The following RBBP8NL variants were observed in gnomAD, a reference collection of about 807,000 sequenced individuals.
RBBP8NL encodes the protein RBBP8 N-terminal-like protein.
A neutral mutation model predicts 62.2 loss-of-function variants in RBBP8NL; 59 were observed. The ratio of observed to expected loss-of-function variants is 0.95; its 90% CI spans 0.77 to 1.18. The LOEUF is 1.18. Among genes scored for constraint, RBBP8NL ranks in the 50% most tolerant of loss-of-function variants. The probability of loss-of-function intolerance (pLI) is 0.00; values close to 1 mark genes in which losing one functional copy is unlikely to be tolerated. For missense variants in RBBP8NL, 896 were observed against 899.5 expected (o/e 1.00, Z 0.05); for synonymous variants, 412 against 394.1 (o/e 1.05, Z -0.54).
Position 62,415,245 on chromosome 20 carries a change from C to A in RBBP8NL, c.670G>T (p.Val224Leu). 6.4e-7 allele frequency: 1 copy of A among 1,561,168 alleles called. No homozygotes were observed. Among genetic ancestry groups the A allele is most frequent in the Non-Finnish European group, 8.6e-7 (1 of 1,158,062 alleles). ...ISNQLHGTIA[V>L]VRPGSQACPA... ...CAAGCCTGGGACCCAGGCCGCACCA[C>A]GGCAATGGTCCCGTGCAGCTGGTTG... The change falls in exon 9 of 14, where the codon GTG becomes TTG. Residue 224 changes from valine to leucine, a missense_variant. Val to Leu is a conservative substitution (Grantham distance 32, BLOSUM62 1). Transcript: ENST00000252998.
At chr20:62,416,317 A>G (rs1988565616) in intron 5 of RBBP8NL, 81 bp from the exon 6 acceptor site, 1 of 1,293,598 alleles carries the variant, frequency 7.7e-7, no homozygotes, top group East Asian at 2.5e-5. Flanking sequence ...GCACCAGGGA[A>G]GCCCCTCAGC....
chr20:62,423,737 C>G (rs907292622), intron 1 of RBBP8NL, among the ~76,000 whole-genome samples: 1 of 152,158 alleles, frequency 6.6e-6, no homozygotes, highest in Non-Finnish European at 1.5e-5. Flanking sequence ...TTTCTGTGCC[C>G]GAAACCACCT....
chr20:62,417,694 G>C (rs1175249214), intron 3 of RBBP8NL, among the ~76,000 whole-genome samples: 5 of 92,660 alleles, frequency 5.4e-5, no homozygotes, highest in African/African-American at 2.4e-4. Flanking sequence ...GCTCCTCTGT[G>C]ATGTCTGTCC....
chr20:62,411,369 C>G (rs965743164), intron 13 of RBBP8NL, among the ~76,000 whole-genome samples: 1 of 152,224 alleles, frequency 6.6e-6, no homozygotes, highest in African/African-American at 2.4e-5. Context: ...CTGGTTCCTG[C>G]GATGGTCCGG....
chr20:62,416,751 G>A lies in RBBP8NL; in HGVS notation c.313+9C>T, dbSNP rs762958415. The A allele has an allele frequency of 1.0e-5, 16 of 1,562,324 alleles. No individual in the cohort carries two copies. The East Asian group carries it at 1.4e-4, about 14-fold the overall frequency. ...AGAGGACCCCGGTTGTCTGGTGGGT[G>A]GGGCTCACTGAGGATGAAGATGCGC... is the stretch of plus-strand genomic sequence containing the variant. On this transcript the variant is annotated intron_variant, in intron 5 of 13. Coordinates refer to ENST00000252998, the MANE Select transcript of RBBP8NL (RefSeq NM_080833.3).
chr20:62,425,751 A>G (rs1212808547), intron 1 of RBBP8NL, among the ~76,000 whole-genome samples: 1 of 152,236 alleles, frequency 6.6e-6, no homozygotes, highest in Non-Finnish European at 1.5e-5. Context: ...GACCCCCAGC[A>G]GGCTCTTTGG....
At position 62,417,235 on chromosome 20, in the gene RBBP8NL, C is replaced by A; in HGVS notation, c.189G>T (p.Val63=). The A allele has an allele frequency of 1.2e-6, 2 of 1,602,138 alleles. No individual in the cohort carries two copies. The highest frequency in any genetic ancestry group is 1.7e-6 in the Non-Finnish European group (2 of 1,174,292). The stretch of plus-strand genomic sequence containing the variant: ...CCTCCCAGGCCCACCTGTTCTCCAG[C>A]ACCCGCAGGTTCTCCTTCAGTGTCT... The part of the protein sequence containing the change: ...QQKTLKENLR[V]LENRLRAGLC... Residue 63 remains valine (V), a synonymous_variant, in exon 4 of 14, where the codon GTG becomes GTT. Coordinates refer to ENST00000252998, the MANE Select transcript of RBBP8NL (RefSeq NM_080833.3).
intron 5 of RBBP8NL, 79 bp downstream of exon 5, chr20:62,416,681 C>T: frequency 5.3e-6 from 5 of 948,190 alleles, no homozygotes; most frequent in Non-Finnish European, 8.2e-6. Context: ...TTTCCCCATG[C>T]CCCTACATGG....
At chr20:62,418,293 G>A (rs1456741734) in intron 3 of RBBP8NL, 130 bp downstream of exon 3, 8 of 923,604 alleles carry the variant, frequency 8.7e-6, no homozygotes, top group East Asian at 5.3e-5. Context: ...GACTCCCCCC[G>A]CCCCCACACT....
At chr20:62,426,566 T>C (rs1988813021) in intron 1 of RBBP8NL, among the ~76,000 whole-genome samples, 1 of 152,230 alleles carries the variant, frequency 6.6e-6, no homozygotes, top group African/African-American at 2.4e-5. Context: ...GACCTGGACA[T>C]GGCCTCAGAG....
In RBBP8NL at chr20:62,410,506, C is replaced by G. The variant is rs1334109431; in HGVS notation, c.*372G>C. The G allele has an allele frequency of 4.2e-6, 1 of 240,508 alleles. No homozygotes were observed. Among genetic ancestry groups the G allele is most frequent in the Non-Finnish European group, 8.1e-6 (1 of 123,546 alleles). The allele number at this position is 240,508 out of a possible 1,614,324, so 14.9% of individuals were successfully genotyped here. The stretch of plus-strand genomic sequence containing the variant: ...GAGCCTGAGTGATCCCGCCTCCAGT[C>G]CCCACACCCCTCAGGGAGCAGGTGC... On this transcript the variant is annotated 3_prime_UTR_variant, in exon 14 of 14. Coordinates refer to ENST00000252998, the MANE Select transcript of RBBP8NL (RefSeq NM_080833.3).
chr20:62,414,678 G>A, intron 9 of RBBP8NL, 122 bp from the exon 10 acceptor site: 1 of 1,184,822 alleles, frequency 8.4e-7, no homozygotes, highest in Non-Finnish European at 1.1e-6. Flanking sequence ...GTCCAGAGAG[G>A]TGCAGCAAGC....
In RBBP8NL at chr20:62,413,549, G is replaced by C. The variant is rs1233368231; in HGVS notation, c.1531-4C>G. 65 of 1,521,246 alleles carry C rather than the reference G, an allele frequency of 4.3e-5. No individual in the cohort carries two copies. The highest frequency in any genetic ancestry group is 5.4e-5 in the Non-Finnish European group (61 of 1,140,092). 94.2% of individuals were successfully genotyped at this position (1,521,246 alleles called of 1,614,324 possible). A position where few individuals can be genotyped will look rare whatever the true frequency, so the allele number is the denominator to read the frequency against. On this transcript the variant is annotated splice_region_variant and splice_polypyrimidine_tract_variant and intron_variant, in intron 10 of 13. Coordinates refer to ENST00000252998, the MANE Select transcript of RBBP8NL (RefSeq NM_080833.3). ...CTGGAAGTGGGCGTGAGGGGTCCTGGGGGGAGGCAAGTAGGTGGCTTGAGT... is the reference window on the plus strand; with the variant it reads ...CTGGAAGTGGGCGTGAGGGGTCCTGCGGGGAGGCAAGTAGGTGGCTTGAGT...
chr20:62,413,741 C>T (rs946815844), intron 10 of RBBP8NL, 80 bp downstream of exon 10: 65 of 1,484,134 alleles, frequency 4.4e-5, no homozygotes, highest in Non-Finnish European at 4.8e-5. Context: ...AAGAGCAGCC[C>T]GAGGTCTGGG....
chr20:62,413,545 C>T lies in RBBP8NL; in HGVS notation c.1531G>A (p.Asp511Asn). ...PEQEEASTPM[D>N]PSRPLPGSQL... ...GACCCTGGAAGTGGGCGTGAGGGGT[C>T]CTGGGGGGAGGCAAGTAGGTGGCTT... Residue 511 changes from aspartate to asparagine, a missense_variant and splice_region_variant, in exon 11 of 14, where the codon GAC becomes AAC. By Grantham distance (23) the Asp-to-Asn change is conservative. Coordinates refer to ENST00000252998, the MANE Select transcript of RBBP8NL (RefSeq NM_080833.3). 1.3e-6 allele frequency: 2 copies of T among 1,522,102 alleles called. No individual in the cohort carries two copies. The highest frequency in any genetic ancestry group is 1.8e-6 in the Non-Finnish European group (2 of 1,140,538). The allele number at this position is 1,522,102 out of a possible 1,614,324, so 94.3% of individuals were successfully genotyped here.
At chr20:62,411,659 C>T (rs1352279525) in intron 13 of RBBP8NL, among the ~76,000 whole-genome samples, 3 of 152,274 alleles carry the variant, frequency 2.0e-5, no homozygotes, top group Non-Finnish European at 2.9e-5. Context: ...GAGCTGTGCT[C>T]ATGCTGGGCA....
At chr20:62,415,400 G>T in intron 8 of RBBP8NL, 113 bp from the exon 9 acceptor site, 1 of 1,397,784 alleles carries the variant, frequency 7.2e-7, no homozygotes, top group Non-Finnish European at 9.7e-7. Flanking sequence ...CCTGCTCACT[G>T]CTGAGCTGCA....
Position 62,414,507 on chromosome 20 carries a change from G to C in RBBP8NL, c.844C>G (p.Leu282Val), listed in dbSNP as rs1235266449. The change falls in exon 10 of 14, where the codon CTC becomes GTC. Residue 282 changes from leucine to valine, a missense_variant. By Grantham distance (32) the Leu-to-Val change is conservative. Coordinates refer to ENST00000252998, the MANE Select transcript of RBBP8NL (RefSeq NM_080833.3). ...PSAMTHEAPK[L>V]SPKVDRLCLL... ...CAGAGCCGGTCCACCTTCGGGGAGA[G>C]CTTCGGGGCCTCATGGGTCATGGCG... is the stretch of plus-strand genomic sequence containing the variant. 8.3e-6 allele frequency: 12 copies of C among 1,450,544 alleles called. No individual in the cohort carries two copies. Among genetic ancestry groups the C allele is most frequent in the Non-Finnish European group, 1.1e-5 (12 of 1,097,726 alleles). 89.9% of individuals were successfully genotyped at this position (1,450,544 alleles called of 1,614,324 possible).
Position 62,414,549 on chromosome 20 carries a change from G to T in RBBP8NL, c.802C>A (p.Arg268=), listed in dbSNP as rs375114640. The part of the protein sequence containing the change: ...ERGLSLDSFL[R]ASRPSAMTHE... ...GTCATGGCGGAGGGCCGGGAGGCCC[G>T]CAGGAAGCTGTGAGGGAGGAGAAGC... Residue 268 remains arginine, a synonymous_variant, in exon 10 of 14, where the codon CGG becomes AGG. Transcript: ENST00000252998. 3.5e-6 allele frequency: 5 copies of T among 1,423,582 alleles called. No homozygotes were observed. The highest frequency in any genetic ancestry group is 2.9e-5 in the Admixed American group (1 of 34,152). 88.2% of individuals were successfully genotyped at this position (1,423,582 alleles called of 1,614,324 possible).
Sources: allele counts gnomAD v4.1 joint callset (sites outside exome capture counted in the v4.1 genomes callset), GRCh38; gene constraint gnomAD v4.1.1; transcripts MANE v1.5; gene names NCBI Gene and HGNC (gene_info 2026-07-23, HGNC 2026-07-21).